Variants in UBE2W observed in about 807,000 individuals in gnomAD.
The protein encoded by UBE2W is ubiquitin-conjugating enzyme E2 W.
In UBE2W, 18 loss-of-function variants were observed where a neutral mutation model predicts 27.2. The ratio of observed to expected loss-of-function variants is 0.66; its 90% CI spans 0.46 to 0.98. The LOEUF (loss-of-function observed/expected upper bound fraction) is 0.98, where lower values mean the gene tolerates loss of function less well. UBE2W is among the 50% of genes least tolerant of loss of function. The pLI is 0.00. For synonymous variants in UBE2W, 53 were observed against 57.2 expected, an observed-to-expected ratio of 0.93 and a Z score of 0.33; for missense variants, 90 against 180.2, an observed-to-expected ratio of 0.50 and a Z score of 2.87.
chr8:73,797,091 C>T (rs1359864572), intron 5 of UBE2W, among the ~76,000 whole-genome samples: 8 of 152,210 alleles, frequency 5.3e-5, no homozygotes, highest in Admixed American at 5.2e-4. Flanking sequence ...ATTACACTTT[C>T]AAATATAACA....
At chr8:73,869,590 C>G (rs1811915986) in intron 1 of UBE2W, among the ~76,000 whole-genome samples, 1 of 152,152 alleles carries the variant, frequency 6.6e-6, no homozygotes, top group Admixed American at 6.5e-5. Flanking sequence ...ACTCGGGAGG[C>G]TGAAGCAGAA....
downstream of UBE2W, among the ~76,000 whole-genome samples, chr8:73,783,889 G>C (rs1161183179): frequency 1.3e-5 from 2 of 152,114 alleles, no homozygotes; most frequent in Non-Finnish European, 2.9e-5. Context: ...AGCCTCCCAA[G>C]TAGCTGGGAT....
At chr8:73,838,766 T>C (rs1810410985) in intron 1 of UBE2W, among the ~76,000 whole-genome samples, 1 of 152,216 alleles carries the variant, frequency 6.6e-6, no homozygotes, top group African/African-American at 2.4e-5. Context: ...TATTTTGCAC[T>C]GTCACCTCTC....
At chr8:73,818,968 G>C (rs974290939) in intron 3 of UBE2W, among the ~76,000 whole-genome samples, 7 of 152,108 alleles carry the variant, frequency 4.6e-5, no homozygotes, top group African/African-American at 1.7e-4. Flanking sequence ...GGTCTTTATA[G>C]CAGTACAAAA....
At chr8:73,874,085 G>A (rs139784448) in intron 1 of UBE2W, among the ~76,000 whole-genome samples, 1 of 152,292 alleles carries the variant, frequency 6.6e-6, no homozygotes, top group East Asian at 1.9e-4. Flanking sequence ...TATCCAGGAG[G>A]TCAAGTACTT....
chr8:73,868,853 C>T (rs986255137), intron 1 of UBE2W, among the ~76,000 whole-genome samples: 17 of 152,154 alleles, frequency 1.1e-4, no homozygotes, highest in Non-Finnish European at 2.1e-4. Flanking sequence ...TCAACATTTA[C>T]TGAGGTCCTC....
intron 1 of UBE2W, among the ~76,000 whole-genome samples, chr8:73,878,424 T>C (rs925076820): frequency 1.3e-5 from 2 of 152,162 alleles, no homozygotes; most frequent in East Asian, 3.9e-4. Flanking sequence ...CGGGCGCAGC[T>C]GTTTCCGTCG....
At chr8:73,825,628 C>A (rs542651040) in intron 2 of UBE2W, among the ~76,000 whole-genome samples, 3 of 152,246 alleles carry the variant, frequency 2.0e-5, no homozygotes, top group African/African-American at 7.2e-5. Flanking sequence ...ATGGTGAAAC[C>A]GGTCTCTACT....
chr8:73,839,945 A>G (rs1810472300), intron 1 of UBE2W, among the ~76,000 whole-genome samples: 1 of 151,986 alleles, frequency 6.6e-6, no homozygotes, highest in Admixed American at 6.5e-5. Flanking sequence ...CATGTTGGCC[A>G]AGCTGGTCTC....
In UBE2W at chr8:73,790,400, T is replaced by C; in HGVS notation, c.*3702A>G. On this transcript the variant is annotated 3_prime_UTR_variant, in exon 6 of 6. Coordinates refer to ENST00000602593, the MANE Select transcript of UBE2W (RefSeq NM_018299.6). Reference sequence around the variant, plus strand: ...AATCATGCACAGGCAGTAACGGCATTACTATAACACAGAACAGTATAGTAG... The same window carrying C: ...AATCATGCACAGGCAGTAACGGCATCACTATAACACAGAACAGTATAGTAG... 1 of 985,442 alleles carries C rather than the reference T, an allele frequency of 1.0e-6. No homozygotes were observed. The highest frequency in any genetic ancestry group is 1.2e-6 in the Non-Finnish European group (1 of 829,942). The allele number at this position is 985,442 out of a possible 1,614,324, so 61.0% of individuals were successfully genotyped here. A position where few individuals can be genotyped will look rare whatever the true frequency, so the allele number is the denominator to read the frequency against.
intron 1 of UBE2W, among the ~76,000 whole-genome samples, chr8:73,861,548 TC>T (rs1811533642): frequency 6.6e-6 from 1 of 152,108 alleles, no homozygotes; most frequent in African/African-American, 2.4e-5. Flanking sequence ...CTCCAAGCAA[TC>T]CTCCCACCTT....
At chr8:73,835,549 CCTGA>C (rs1810273719) in intron 1 of UBE2W, among the ~76,000 whole-genome samples, 1 of 152,140 alleles carries the variant, frequency 6.6e-6, no homozygotes, top group Non-Finnish European at 1.5e-5. Context: ...TCGGGACCAG[CCTGA>C]CTAATATGGT....
At chr8:73,846,701 TAAAAC>T (rs1403053314) in intron 1 of UBE2W, among the ~76,000 whole-genome samples, 9 of 152,072 alleles carry the variant, frequency 5.9e-5, no homozygotes, top group Admixed American at 6.5e-5. Context: ...ATTTGTAAAA[TAAAAC>T]AAGACAGAAC....
At chr8:73,853,182 A>G (rs1386914776) in intron 1 of UBE2W, among the ~76,000 whole-genome samples, 1 of 152,174 alleles carries the variant, frequency 6.6e-6, no homozygotes, top group African/African-American at 2.4e-5. Context: ...GGCACCCTGG[A>G]TCTTGGACTT....
In UBE2W at chr8:73,844,759, G is replaced by A. The variant is rs184072859; in HGVS notation, c.16-14287C>T. On this transcript the variant is annotated intron_variant, in intron 1 of 5. Transcript: ENST00000602593. ...ATGTGGGGAGCACCTCTGCCCCGCC[G>A]CCCCATCTGAGATGTGAAGAGAGCC... is the stretch of plus-strand genomic sequence containing the variant. Among the ~76,000 whole-genome samples the A allele has an allele frequency of 4.4e-3, 667 of 150,484 alleles. 4 individuals are homozygous for A. The highest frequency in any genetic ancestry group is 0.015 in the African/African-American group (605 of 40,802).
intron 5 of UBE2W, among the ~76,000 whole-genome samples, chr8:73,798,500 G>A (rs1386185882): frequency 6.6e-6 from 1 of 152,112 alleles, no homozygotes; most frequent in Admixed American, 6.5e-5. Flanking sequence ...TCAACCTACA[G>A]TTTATAACCA....
chr8:73,845,398 T>C (rs1810752105), intron 1 of UBE2W, among the ~76,000 whole-genome samples: 2 of 152,236 alleles, frequency 1.3e-5, no homozygotes, highest in Non-Finnish European at 2.9e-5. Context: ...TGTTAATCTA[T>C]AACCTTACCC....
In UBE2W at chr8:73,792,467, G is replaced by A. The variant is rs62508045; in HGVS notation, c.*1635C>T. The A allele has an allele frequency of 1.8e-3, 1,725 of 985,110 alleles. 1 individual carries two copies. The highest frequency in any genetic ancestry group is 3.1e-3 in the South Asian group (66 of 21,254). The allele number at this position is 985,110 out of a possible 1,614,324, so 61.0% of individuals were successfully genotyped here. On this transcript the variant is annotated 3_prime_UTR_variant, in exon 6 of 6. Transcript: ENST00000602593. Reference sequence around the variant, plus strand: ...GCCCTTAATTAACAACATGTACAAAGCTACAAAATGTCATCTATACAGATT... The same window carrying A: ...GCCCTTAATTAACAACATGTACAAAACTACAAAATGTCATCTATACAGATT...
chr8:73,859,952 C>G (rs1025718366), intron 1 of UBE2W, among the ~76,000 whole-genome samples: 1 of 152,120 alleles, frequency 6.6e-6, no homozygotes, highest in Non-Finnish European at 1.5e-5. Context: ...AAAAATAAAA[C>G]ATTTGGAAAA....
Sources: allele counts gnomAD v4.1 joint callset (sites outside exome capture counted in the v4.1 genomes callset), GRCh38; gene constraint gnomAD v4.1.1; transcripts MANE v1.5; gene names NCBI Gene and HGNC (gene_info 2026-07-23, HGNC 2026-07-21).